Variants in TENM2 observed in about 807,000 individuals in gnomAD.
TENM2 encodes the protein teneurin-2.
A neutral mutation model predicts 245.2 loss-of-function variants in TENM2; 52 were observed. The observed-to-expected ratio is 0.21, with a 90% CI of 0.17 to 0.27. The LOEUF (loss-of-function observed/expected upper bound fraction) is 0.27, where lower values mean the gene tolerates loss of function less well. Among genes scored for constraint, TENM2 ranks in the 10% least tolerant of loss-of-function variants. The pLI is 1.00. For synonymous variants in TENM2, 1,363 were observed against 1,438.9 expected, an observed-to-expected ratio of 0.95 and a Z score of 1.19; for missense variants, 3,046 against 3,666.8, an observed-to-expected ratio of 0.83 and a Z score of 4.37.
At chr5:168,193,837 T>C (rs1761156083) in intron 14 of TENM2, among the ~76,000 whole-genome samples, 1 of 152,180 alleles carries the variant, frequency 6.6e-6, no homozygotes, top group African/African-American at 2.4e-5. Context: ...AAGGATTATT[T>C]TCATAAATTA....
At chr5:167,750,642 C>A (rs1239550767) in intron 2 of TENM2, among the ~76,000 whole-genome samples, 1 of 152,078 alleles carries the variant, frequency 6.6e-6, no homozygotes, top group African/African-American at 2.4e-5. Context: ...CCTCTGGGAG[C>A]CTTTTTGAAT....
chr5:167,960,179 C>T (rs988060026), intron 4 of TENM2, among the ~76,000 whole-genome samples: 3 of 152,214 alleles, frequency 2.0e-5, no homozygotes, highest in Non-Finnish European at 1.5e-5. Flanking sequence ...GGTTAGGGAC[C>T]TACTTGAGGA....
At chr5:168,178,755 C>T (rs1382361578) in intron 13 of TENM2, among the ~76,000 whole-genome samples, 1 of 152,220 alleles carries the variant, frequency 6.6e-6, no homozygotes, top group Non-Finnish European at 1.5e-5. Flanking sequence ...CTATATATGG[C>T]TGTGACTGCT....
At chr5:167,904,507 A>G (rs1252252553) in intron 3 of TENM2, among the ~76,000 whole-genome samples, 1 of 152,166 alleles carries the variant, frequency 6.6e-6, no homozygotes, top group Non-Finnish European at 1.5e-5. Context: ...ATTTCACAAT[A>G]ACAATAAGTA....
the TENM2 span, among the ~76,000 whole-genome samples, chr5:167,172,637 T>C: frequency 1.3e-5 from 2 of 151,686 alleles, no homozygotes; most frequent in Admixed American, 1.3e-4. Flanking sequence ...TTTTTTTTTT[T>C]TTCTAGAGAC....
chr5:168,248,666 A>C (rs1417798813), intron 27 of TENM2, among the ~76,000 whole-genome samples: 1 of 152,250 alleles, frequency 6.6e-6, no homozygotes, highest in African/African-American at 2.4e-5. Flanking sequence ...CGGGGAGAGA[A>C]TAGGGCTCTG....
intron 9 of TENM2, among the ~76,000 whole-genome samples, chr5:168,110,232 G>A (rs1451200928): frequency 4.0e-5 from 6 of 151,882 alleles, no homozygotes; most frequent in African/African-American, 1.5e-4. Context: ...CTGGGATGGG[G>A]GACAGGGAAA....
intron 2 of TENM2, among the ~76,000 whole-genome samples, chr5:167,831,279 C>A (rs1459536978): frequency 1.3e-5 from 2 of 152,034 alleles, no homozygotes; most frequent in Admixed American, 6.6e-5. Flanking sequence ...CAGCATTATT[C>A]CTCACAATTG....
the TENM2 span, among the ~76,000 whole-genome samples, chr5:166,980,862 G>A: frequency 1.3e-5 from 2 of 152,212 alleles, no homozygotes; most frequent in African/African-American, 4.8e-5. Context: ...ACATTCTACA[G>A]AGGGAAAATG....
At chr5:167,522,616 T>C (rs1332916367) in intron 2 of TENM2, among the ~76,000 whole-genome samples, 1 of 152,074 alleles carries the variant, frequency 6.6e-6, no homozygotes, top group African/African-American at 2.4e-5. Context: ...TTTTATAAAG[T>C]TATCATATAA....
At position 168,230,476 on chromosome 5, in the gene TENM2, G is replaced by T. The variant is rs555533480; in HGVS notation, c.5520+2346G>T. Among the ~76,000 whole-genome samples the T allele has an allele frequency of 5.3e-5, 8 of 152,334 alleles. No individual in the cohort carries two copies. In the East Asian group the frequency reaches 1.5e-3, roughly 29 times the overall value. ...GAAGAAGGTATAAGGGAAATGTTGGGTGTGATGTGGATTGAGGGAACTGGG... is the reference window on the plus strand; with the variant it reads ...GAAGAAGGTATAAGGGAAATGTTGGTTGTGATGTGGATTGAGGGAACTGGG... On this transcript the variant is annotated intron_variant, in intron 25 of 28. Coordinates refer to ENST00000518659, the Ensembl canonical transcript of TENM2.
At chr5:168,084,903 C>G (rs898944752) in intron 7 of TENM2, among the ~76,000 whole-genome samples, 1 of 152,218 alleles carries the variant, frequency 6.6e-6, no homozygotes, top group Non-Finnish European at 1.5e-5. Flanking sequence ...TTCTTCCTTC[C>G]TCCTTCTTAT....
intron 2 of TENM2, among the ~76,000 whole-genome samples, chr5:167,816,035 CAGAAAG>C (rs1430673875): frequency 1.3e-5 from 2 of 150,880 alleles, no homozygotes; most frequent in Non-Finnish European, 3.0e-5. Context: ...TAGAATAACT[CAGAAAG>C]AGAGAGTTGC....
At chr5:167,348,856 C>T (rs1188694771) in intron 1 of TENM2, among the ~76,000 whole-genome samples, 1 of 152,252 alleles carries the variant, frequency 6.6e-6, no homozygotes, top group East Asian at 1.9e-4. Flanking sequence ...TCTTTCAGTT[C>T]GTGATCTCAG....
rs184475988 is a variant in TENM2, at chr5:167,936,576, C to A, written c.713-16012C>A. 4.6e-5 allele frequency among the ~76,000 whole-genome samples: 7 copies of A among 152,292 alleles called. No individual in the cohort carries two copies. The East Asian group carries it at 1.3e-3, about 29-fold the overall frequency. On this transcript the variant is annotated intron_variant, in intron 3 of 28. Transcript: ENST00000518659. ...GCTCCTACCGTTAAGCAAGTCTTTC[C>A]CCCATCCATTGAAGCAAGTCTATCC...
At chr5:167,617,535 A>G (rs2127762810) in intron 2 of TENM2, among the ~76,000 whole-genome samples, 1 of 152,320 alleles carries the variant, frequency 6.6e-6, no homozygotes, top group South Asian at 2.1e-4. Context: ...TATTTGATCT[A>G]CATTAAATTA....
chr5:167,996,690 G>A (rs920261769), intron 5 of TENM2, among the ~76,000 whole-genome samples: 16 of 151,508 alleles, frequency 1.1e-4, no homozygotes, highest in Admixed American at 1.1e-3. Context: ...TACCTGTTTA[G>A]AACTAGAAGC....
the TENM2 span, among the ~76,000 whole-genome samples, chr5:167,041,490 G>A: frequency 6.6e-6 from 1 of 152,134 alleles, no homozygotes; most frequent in Admixed American, 6.6e-5. Flanking sequence ...CCCTGACCAC[G>A]AAGTGTCCAA....
chr5:167,180,637 T>C, the TENM2 span, among the ~76,000 whole-genome samples: 6 of 152,156 alleles, frequency 3.9e-5, no homozygotes, highest in Non-Finnish European at 7.3e-5. Flanking sequence ...GAAGCTTGAC[T>C]GGTAACATCA....
Sources: allele counts gnomAD v4.1 joint callset (sites outside exome capture counted in the v4.1 genomes callset), GRCh38; gene constraint gnomAD v4.1.1; transcripts MANE v1.5; gene names NCBI Gene and HGNC (gene_info 2026-07-23, HGNC 2026-07-21).